SORCS3: variants seen among roughly 807,000 people sequenced by gnomAD.
SORCS3 encodes the protein sortilin related VPS10 domain containing receptor 3, also known as VPS10 domain-containing receptor SorCS3.
Under a neutral mutation model 146.3 loss-of-function variants are expected in SORCS3, and 57 were observed. The observed-to-expected ratio is 0.39, with a 90% CI of 0.31 to 0.49. The LOEUF is 0.49. Among genes scored for constraint, SORCS3 ranks in the 20% least tolerant of loss-of-function variants. The pLI, the probability that SORCS3 is intolerant of heterozygous loss-of-function variation, is 0.92. For missense variants in SORCS3, 1,341 were observed against 1,575.5 expected (o/e 0.85, Z 2.52); for synonymous variants, 653 against 618.5 (o/e 1.06, Z -0.83).
chr10:104,800,478 T>A (rs2017612511), intron 1 of SORCS3, among the ~76,000 whole-genome samples: 1 of 152,102 alleles, frequency 6.6e-6, no homozygotes, highest in South Asian at 2.1e-4. Context: ...AACTGTGGAC[T>A]TTGGGTAGTG....
chr10:104,681,944 TG>T (rs770634704), intron 1 of SORCS3, among the ~76,000 whole-genome samples: 1 of 152,226 alleles, frequency 6.6e-6, no homozygotes, highest in Non-Finnish European at 1.5e-5. Context: ...GTTTTCCTCC[TG>T]TAAATGTCCT....
rs911265001 is a variant in SORCS3 at position 105,153,066 on chromosome 10, T to C, written c.1483-4072T>C. On this transcript the variant is annotated intron_variant, in intron 9 of 26. Transcript: ENST00000369701. ...TTGTGCACAAATCACAATCAAGACATAGAACAGTTCCATTACCCCAAATAT... is the reference window on the plus strand; with the variant it reads ...TTGTGCACAAATCACAATCAAGACACAGAACAGTTCCATTACCCCAAATAT... Among the ~76,000 whole-genome samples the C allele has an allele frequency of 1.3e-5, 2 of 152,194 alleles. 1 individual carries two copies. Among genetic ancestry groups the C allele is most frequent in the African/African-American group, 4.8e-5 (2 of 41,456 alleles).
chr10:105,122,048 C>G (rs117545305), intron 7 of SORCS3, among the ~76,000 whole-genome samples: 2 of 152,128 alleles, frequency 1.3e-5, no homozygotes, highest in Non-Finnish European at 2.9e-5. Context: ...TTCCACACCC[C>G]CTCTGCTAAG....
At chr10:105,161,885 G>A (rs2056266437) in intron 11 of SORCS3, among the ~76,000 whole-genome samples, 1 of 152,040 alleles carries the variant, frequency 6.6e-6, no homozygotes, top group Admixed American at 6.6e-5. Context: ...AGCCAGACCC[G>A]TCTCTGAGCC....
At chr10:104,764,063 T>C (rs191857763) in intron 1 of SORCS3, among the ~76,000 whole-genome samples, 2 of 150,282 alleles carry the variant, frequency 1.3e-5, no homozygotes, top group East Asian at 2.0e-4. Context: ...AAAATGAAAA[T>C]GGACTAATAC....
At chr10:105,120,390 T>A (rs548289880) in intron 7 of SORCS3, among the ~76,000 whole-genome samples, 18 of 152,270 alleles carry the variant, frequency 1.2e-4, no homozygotes, top group African/African-American at 3.4e-4. Context: ...TAATACACTT[T>A]CTCTTTGAGT....
chr10:105,241,453 G>C lies in SORCS3; in HGVS notation c.2869-4089G>C, dbSNP rs2056822628. 1.3e-5 allele frequency among the ~76,000 whole-genome samples: 2 copies of C among 152,210 alleles called. 1 individual carries two copies. The highest frequency in any genetic ancestry group is 4.8e-5 in the African/African-American group (2 of 41,454). On this transcript the variant is annotated intron_variant, in intron 20 of 26. Transcript: ENST00000369701. The stretch of plus-strand genomic sequence containing the variant: ...TTAGCTCTACCATCTGCGGACAGTG[G>C]CATGTTAGCAGCTCAGTTGGCCCCT...
intron 4 of SORCS3, among the ~76,000 whole-genome samples, chr10:105,012,311 C>T (rs533453354): frequency 2.6e-5 from 4 of 152,116 alleles, no homozygotes; most frequent in Admixed American, 2.6e-4. Context: ...GAAACTGGAG[C>T]AGGTCAAGAA....
intron 2 of SORCS3, among the ~76,000 whole-genome samples, chr10:104,853,550 C>G (rs936983212): frequency 1.3e-5 from 2 of 152,208 alleles, no homozygotes; most frequent in African/African-American, 2.4e-5. Flanking sequence ...GATTTACACT[C>G]CAGTGAGCTG....
At chr10:104,930,198 T>C (rs761970227) in intron 3 of SORCS3, among the ~76,000 whole-genome samples, 24 of 151,686 alleles carry the variant, frequency 1.6e-4, no homozygotes, top group Non-Finnish European at 3.1e-4. Context: ...AAAAAAAAGG[T>C]ATAAGGTAAA....
intron 11 of SORCS3, among the ~76,000 whole-genome samples, chr10:105,161,336 G>A (rs17118664): frequency 2.0e-5 from 3 of 152,070 alleles, no homozygotes; most frequent in East Asian, 1.9e-4. Context: ...TAACTATGAC[G>A]TCAGCCAATT....
intron 1 of SORCS3, among the ~76,000 whole-genome samples, chr10:104,795,607 G>T (rs1275713313): frequency 6.6e-6 from 1 of 152,090 alleles, no homozygotes; most frequent in Non-Finnish European, 1.5e-5. Context: ...GGTGTAGAAT[G>T]ATCGGCATTC....
chr10:104,822,341 G>T (rs964064958), intron 1 of SORCS3, among the ~76,000 whole-genome samples: 1 of 152,158 alleles, frequency 6.6e-6, no homozygotes, highest in South Asian at 2.1e-4. Flanking sequence ...GATATGTGAG[G>T]AACTTACTTT....
chr10:104,662,676 A>G (rs1186501745), intron 1 of SORCS3, among the ~76,000 whole-genome samples: 1 of 152,180 alleles, frequency 6.6e-6, no homozygotes, highest in Non-Finnish European at 1.5e-5. Flanking sequence ...GTTCTTTTCT[A>G]GAAGCCTTCA....
chr10:105,208,797 C>G (rs138329231), intron 16 of SORCS3, among the ~76,000 whole-genome samples: 242 of 152,198 alleles, frequency 1.6e-3, no homozygotes, highest in African/African-American at 5.7e-3. Flanking sequence ...GAGATGTTAA[C>G]TGTGAGCTCT....
intron 5 of SORCS3, among the ~76,000 whole-genome samples, chr10:105,046,272 T>C (rs1221751147): frequency 1.3e-5 from 2 of 152,118 alleles, no homozygotes; most frequent in Admixed American, 1.3e-4. Context: ...TAACAATATT[T>C]GATTGTTGTG....
intron 1 of SORCS3, among the ~76,000 whole-genome samples, chr10:104,649,770 G>A (rs2015537219): frequency 6.6e-6 from 1 of 152,210 alleles, no homozygotes; most frequent in African/African-American, 2.4e-5. Flanking sequence ...TTCATTAGAT[G>A]ATTACACTAA....
chr10:105,145,446 C>G (rs893652657), intron 8 of SORCS3, among the ~76,000 whole-genome samples: 1 of 152,170 alleles, frequency 6.6e-6, no homozygotes, highest in Middle Eastern at 3.4e-3. Context: ...TGCCTCTAAT[C>G]CTGACCATGC....
intron 1 of SORCS3, among the ~76,000 whole-genome samples, chr10:104,752,809 C>T (rs2133470109): frequency 6.6e-6 from 1 of 152,272 alleles, no homozygotes. Context: ...CTGATAGTTA[C>T]TATCAACTTA....
Sources: gnomAD v4.1 joint callset for allele counts (sites outside exome capture counted in the v4.1 genomes callset) on GRCh38, gnomAD v4.1.1 for gene constraint, MANE v1.5 for transcripts, NCBI Gene and HGNC (gene_info 2026-07-23, HGNC 2026-07-21) for gene names.